Variants in CALCRL observed in about 807,000 individuals in gnomAD.
CALCRL encodes calcitonin receptor like receptor.
Under a neutral mutation model 60.4 loss-of-function variants are expected in CALCRL, and 27 were observed. The observed-to-expected ratio is 0.45, with a 90% confidence interval of 0.33 to 0.62. The LOEUF is 0.62. CALCRL is among the 20% of genes least tolerant of loss of function. CALCRL has a pLI of 0.03. For synonymous variants in CALCRL, 190 were observed against 182.6 expected (o/e 1.04, Z -0.33); for missense variants, 424 against 540.7 (o/e 0.78, Z 2.14).
At chr2:187,410,673 G>T (rs2105846547) in intron 1 of CALCRL, among the ~76,000 whole-genome samples, 1 of 152,308 alleles carries the variant, frequency 6.6e-6, no homozygotes, top group Middle Eastern at 3.4e-3. Flanking sequence ...TTTAAAGTTT[G>T]CTGGTGGGTG....
In CALCRL at chr2:187,342,014, T is replaced by C. The variant is rs547197476; in HGVS notation, c.*4170A>G. ...CCAAAAGGTAAAAGCAAAACAAACA[T>C]ATCCATCAACAGACAAATGAATAAA... On this transcript the variant is annotated 3_prime_UTR_variant, in exon 15 of 15. Coordinates refer to ENST00000392370, the MANE Select transcript of CALCRL (RefSeq NM_005795.6). Among the ~76,000 whole-genome samples the C allele has an allele frequency of 6.6e-6, 1 of 151,942 alleles. No homozygotes were observed. The highest frequency in any genetic ancestry group is 2.4e-5 in the African/African-American group (1 of 41,508).
chr2:187,378,962 G>A lies in CALCRL; in HGVS notation c.478C>T (p.Leu160Phe). 6.2e-7 allele frequency: 1 copy of A among 1,602,310 alleles called. No homozygotes were observed. The highest frequency in any genetic ancestry group is 8.5e-7 in the Non-Finnish European group (1 of 1,171,416). Residue 160 changes from leucine to phenylalanine, a missense_variant, in exon 8 of 15, where the codon CTT (leucine) becomes TTT (phenylalanine). By Grantham distance (22) the Leu-to-Phe change is conservative. Coordinates refer to ENST00000392370, the MANE Select transcript of CALCRL (RefSeq NM_005795.6). ...TACTTGAAATAAAAGAATATGCCAAGCGAGATAAGCAGTGATGCAATAGAC... is the reference window on the plus strand; with the variant it reads ...TACTTGAAATAAAAGAATATGCCAAACGAGATAAGCAGTGATGCAATAGAC... ...GLSIASLLIS[L>F]GIFFYFKSLS...
Position 187,387,710 on chromosome 2 carries a change from A to G in CALCRL, c.-246T>C, listed in dbSNP as rs1688265411. The G allele has an allele frequency of 2.5e-6, 1 of 397,138 alleles. No homozygotes were observed. The highest frequency in any genetic ancestry group is 4.4e-6 in the Non-Finnish European group (1 of 225,186). The allele number at this position is 397,138 out of a possible 1,614,324, so 24.6% of individuals were successfully genotyped here. A position where few individuals can be genotyped will look rare whatever the true frequency, so the allele number is the denominator to read the frequency against. On this transcript the variant is annotated 5_prime_UTR_variant, in exon 2 of 15. It removes an upstream start codon present in the reference 5' UTR. Coordinates refer to ENST00000392370, the MANE Select transcript of CALCRL (RefSeq NM_005795.6). ...CTCAAATCACATTTTCTCTTGGATCATATTTGACATTGTCTTTAAGAATTT... is the reference window on the plus strand; with the variant it reads ...CTCAAATCACATTTTCTCTTGGATCGTATTTGACATTGTCTTTAAGAATTT...
At chr2:187,379,961 A>C (rs1267137145) in intron 7 of CALCRL, among the ~76,000 whole-genome samples, 2 of 152,226 alleles carry the variant, frequency 1.3e-5, no homozygotes, top group Non-Finnish European at 2.9e-5. Flanking sequence ...TATCGAAGCT[A>C]TATTATAGTG....
At chr2:187,379,338 A>G (rs1451977254) in intron 7 of CALCRL, among the ~76,000 whole-genome samples, 1 of 152,138 alleles carries the variant, frequency 6.6e-6, no homozygotes, top group Non-Finnish European at 1.5e-5. Context: ...TCTAGATTAT[A>G]TACTATATGA....
In CALCRL at chr2:187,385,703, AATTT is replaced by A. The variant is rs1312467614; in HGVS notation, c.-36-76_-36-73del. 1.0e-4 allele frequency: 79 copies of A among 768,558 alleles called. No homozygotes were observed. In the African/African-American group the frequency reaches 1.1e-3, roughly 11 times the overall value. 47.6% of individuals were successfully genotyped at this position (768,558 alleles called of 1,614,324 possible). On this transcript the variant is annotated intron_variant, in intron 3 of 14. Transcript: ENST00000392370. ...TAAATGCAGATGATTCTCAACAGAAAATTTATTTTAAAACTACACAATAATTCAA... is the reference window on the plus strand; with the variant it reads ...TAAATGCAGATGATTCTCAACAGAAAATTTTAAAACTACACAATAATTCAA...
chr2:187,415,701 C>T (rs571982459), intron 1 of CALCRL: 4 of 577,082 alleles, frequency 6.9e-6, no homozygotes, highest in South Asian at 5.4e-5. Context: ...CCGACTTCAA[C>T]AGTGACACCC....
chr2:187,377,244 G>A (rs1036543930), intron 8 of CALCRL, among the ~76,000 whole-genome samples: 1 of 152,100 alleles, frequency 6.6e-6, no homozygotes, highest in Admixed American at 6.6e-5. Context: ...TAAATGAAGA[G>A]AGAAAGTGAA....
Position 187,371,443 on chromosome 2 carries a change from C to T in CALCRL, c.500+7497G>A, listed in dbSNP as rs533891659. Among the ~76,000 whole-genome samples the T allele has an allele frequency of 7.2e-5, 11 of 152,088 alleles. No individual in the cohort carries two copies. In the South Asian group the frequency reaches 2.3e-3, roughly 32 times the overall value. On this transcript the variant is annotated intron_variant, in intron 8 of 14. Coordinates refer to ENST00000392370, the MANE Select transcript of CALCRL (RefSeq NM_005795.6). ...GGAATACTAGATGACTACTTTTGAA[C>T]TCAGTCCTTGTCAAACCTCTGACAG... is the stretch of plus-strand genomic sequence containing the variant.
intron 8 of CALCRL, among the ~76,000 whole-genome samples, chr2:187,377,472 A>G (rs541944669): frequency 2.6e-5 from 4 of 152,262 alleles, no homozygotes; most frequent in Admixed American, 2.6e-4. Flanking sequence ...TCACTCTGGA[A>G]GAAAACCAGC....
chr2:187,419,209 T>C (rs1424186977), intron 1 of CALCRL, among the ~76,000 whole-genome samples: 1 of 151,934 alleles, frequency 6.6e-6, no homozygotes, highest in Non-Finnish European at 1.5e-5. Flanking sequence ...CCCCAAATTA[T>C]ATATTTAAGT....
At chr2:187,406,898 T>C (rs1689156438) in intron 1 of CALCRL, among the ~76,000 whole-genome samples, 1 of 152,108 alleles carries the variant, frequency 6.6e-6, no homozygotes, top group Admixed American at 6.6e-5. Context: ...TGGAGCTATT[T>C]TGTACAATAA....
At chr2:187,397,244 G>A (rs1053155573) in intron 1 of CALCRL, among the ~76,000 whole-genome samples, 3 of 151,608 alleles carry the variant, frequency 2.0e-5, no homozygotes, top group Admixed American at 1.3e-4. Flanking sequence ...TTTCAAGGCG[G>A]TGGTCACATG....
At chr2:187,444,597 G>T (rs1691082862) in intron 1 of CALCRL, among the ~76,000 whole-genome samples, 1 of 151,364 alleles carries the variant, frequency 6.6e-6, no homozygotes, top group Non-Finnish European at 1.5e-5. Context: ...AGAAAAAAAT[G>T]GAAGAAATGT....
chr2:187,375,807 C>G (rs868572177), intron 8 of CALCRL, among the ~76,000 whole-genome samples: 29 of 152,078 alleles, frequency 1.9e-4, no homozygotes, highest in African/African-American at 6.5e-4. Context: ...ATGAAATAAA[C>G]ATTCTCTGGT....
At chr2:187,415,201 A>G (rs1689548959) in intron 1 of CALCRL, among the ~76,000 whole-genome samples, 1 of 152,236 alleles carries the variant, frequency 6.6e-6, no homozygotes, top group African/African-American at 2.4e-5. Flanking sequence ...AAAAGTCCAC[A>G]CTAAGTAAAT....
chr2:187,402,310 A>G (rs1688923034), intron 1 of CALCRL, among the ~76,000 whole-genome samples: 1 of 151,764 alleles, frequency 6.6e-6, no homozygotes, highest in Admixed American at 6.6e-5. Context: ...TAGGAGTAGA[A>G]TGATATGTAC....
At chr2:187,422,410 A>G (rs928125586) in intron 1 of CALCRL, among the ~76,000 whole-genome samples, 3 of 152,170 alleles carry the variant, frequency 2.0e-5, no homozygotes, top group African/African-American at 4.8e-5. Flanking sequence ...ATTTCCATTT[A>G]CTATCTGCTC....
intron 8 of CALCRL, among the ~76,000 whole-genome samples, chr2:187,378,383 T>G (rs1448131885): frequency 1.3e-5 from 2 of 152,174 alleles, no homozygotes; most frequent in Non-Finnish European, 2.9e-5. Flanking sequence ...TGTTGATTGC[T>G]TTGTTCAAAA....
Sources: allele counts gnomAD v4.1 joint callset (sites outside exome capture counted in the v4.1 genomes callset), GRCh38; gene constraint gnomAD v4.1.1; transcripts MANE v1.5; gene names NCBI Gene and HGNC (gene_info 2026-07-23, HGNC 2026-07-21).